Variants in TBX15 observed in about 807,000 individuals in gnomAD.
The protein encoded by TBX15 is T-box transcription factor TBX15.
A neutral mutation model predicts 53.9 loss-of-function variants in TBX15; 18 were observed. That is an observed-to-expected ratio of 0.33 (90% CI 0.23 to 0.49). TBX15 has a LOEUF of 0.49. Among genes scored for constraint, TBX15 ranks in the 20% least tolerant of loss-of-function variants. TBX15 has a pLI of 0.98. For synonymous variants in TBX15, 295 were observed against 278.0 expected (o/e 1.06, Z -0.61); for missense variants, 692 against 749.5 (o/e 0.92, Z 0.90).
At chr1:118,941,861 C>T (rs1367770594) in intron 1 of TBX15, among the ~76,000 whole-genome samples, 2 of 152,118 alleles carry the variant, frequency 1.3e-5, no homozygotes, top group African/African-American at 2.4e-5. Flanking sequence ...CTCCTCTTTC[C>T]AACCATCTAA....
intron 5 of TBX15, among the ~76,000 whole-genome samples, chr1:118,916,678 A>ACATGATGAAACAC (rs1246840602): frequency 3.3e-5 from 5 of 152,132 alleles, no homozygotes; most frequent in Non-Finnish European, 7.3e-5. Flanking sequence ...AGCCTGGGAA[A>ACATGATGAAACAC]CATGATGAAA....
In TBX15 at chr1:118,924,670, G is replaced by A; in HGVS notation, c.669C>T (p.Asn223=). 6.2e-7 allele frequency: 1 copy of A among 1,614,040 alleles called. No homozygotes were observed. The highest frequency in any genetic ancestry group is 8.5e-7 in the Non-Finnish European group (1 of 1,179,944). The change falls in exon 4 of 8, where the codon AAC becomes AAT. Residue 223 remains asparagine, a synonymous_variant. Transcript: ENST00000369429. The part of the protein sequence containing the change: ...VVSFDKLKLT[N]NELDDQGHII... Reference sequence around the variant, plus strand: ...CATGTCCTTGATCATCCAACTCATTGTTGGTAAGCTTGAGTTTGTCAAAAC... The same window carrying A: ...CATGTCCTTGATCATCCAACTCATTATTGGTAAGCTTGAGTTTGTCAAAAC...
chr1:118,966,573 T>C (rs1318014076), intron 1 of TBX15, among the ~76,000 whole-genome samples: 1 of 152,196 alleles, frequency 6.6e-6, no homozygotes, highest in Non-Finnish European at 1.5e-5. Context: ...CCATCCACAC[T>C]GCCCAGGGTA....
intron 1 of TBX15, among the ~76,000 whole-genome samples, chr1:118,972,689 C>T (rs1452611136): frequency 6.6e-6 from 1 of 152,126 alleles, no homozygotes; most frequent in Non-Finnish European, 1.5e-5. Context: ...ACCTCTGCCT[C>T]CCGGGTTCAA....
chr1:118,902,313 G>T (rs1654658367), intron 6 of TBX15, among the ~76,000 whole-genome samples: 1 of 152,046 alleles, frequency 6.6e-6, no homozygotes, highest in East Asian at 1.9e-4. Context: ...ATCAATATTT[G>T]GTGTAGTGCC....
chr1:118,931,676 T>C lies in TBX15; in HGVS notation c.362A>G (p.Asp121Gly). ...AATATCATGGAACCGCTTCCAGAGG[T>C]CAGCACATTGCAGCTCCACCTGAAT... ...EEIQVELQCA[D>G]LWKRFHDIGT... The change falls in exon 2 of 8, where the codon GAC becomes GGC. Residue 121 changes from aspartate to glycine, a missense_variant. Asp to Gly is a moderately conservative substitution (Grantham distance 94). Around this residue, in one of 3 missense-constraint regions of TBX15, gnomAD observed 307 missense variants for 347.5 expected, o/e 0.88. Transcript: ENST00000369429. 6.2e-7 allele frequency: 1 copy of C among 1,614,022 alleles called. No homozygotes were observed. Among genetic ancestry groups the C allele is most frequent in the Non-Finnish European group, 8.5e-7 (1 of 1,179,960 alleles).
intron 7 of TBX15, among the ~76,000 whole-genome samples, chr1:118,891,805 T>A (rs188152299): frequency 2.0e-5 from 3 of 152,300 alleles, no homozygotes; most frequent in African/African-American, 7.2e-5. Flanking sequence ...TGATCTTTTA[T>A]GGGTGCCTAC....
chr1:118,891,039 A>G, intron 7 of TBX15: 1 of 808,254 alleles, frequency 1.2e-6, no homozygotes, highest in Non-Finnish European at 1.8e-6. Flanking sequence ...GAGATCGTAA[A>G]GTTTAATGAG....
chr1:118,965,608 A>G (rs1205148023), intron 1 of TBX15, among the ~76,000 whole-genome samples: 1 of 152,154 alleles, frequency 6.6e-6, no homozygotes, highest in Admixed American at 6.6e-5. Context: ...CTATCACAAG[A>G]ATGCCCAAAA....
chr1:118,962,362 G>A lies in TBX15; in HGVS notation c.205+25229C>T, dbSNP rs569424972. Among the ~76,000 whole-genome samples the A allele has an allele frequency of 1.3e-4, 20 of 152,038 alleles. No homozygotes were observed. In the South Asian group the frequency reaches 1.5e-3, roughly 11 times the overall value. On this transcript the variant is annotated intron_variant, in intron 1 of 7. Transcript: ENST00000369429. ...AATCGTGCCTACATTTCCTCAATGCGTAATGACAATTCAGCTGATGATAAG... is the reference window on the plus strand; with the variant it reads ...AATCGTGCCTACATTTCCTCAATGCATAATGACAATTCAGCTGATGATAAG...
chr1:118,961,579 C>T (rs529043688), intron 1 of TBX15, among the ~76,000 whole-genome samples: 2 of 151,978 alleles, frequency 1.3e-5, no homozygotes, highest in African/African-American at 2.4e-5. Context: ...ATGATGGAGG[C>T]CAAAAAAGGA....
Position 118,972,136 on chromosome 1 carries a change from A to G in TBX15, c.205+15455T>C, listed in dbSNP as rs373853948. On this transcript the variant is annotated intron_variant, in intron 1 of 7. Coordinates refer to ENST00000369429, the MANE Select transcript of TBX15 (RefSeq NM_001330677.2). The stretch of plus-strand genomic sequence containing the variant: ...ACAGAAACACCCTGGTGCCATTTTG[A>G]GAGGAAACCAAAAAGACATCCCTAA... Among the ~76,000 whole-genome samples, 11 of 152,304 alleles carry G rather than the reference A, an allele frequency of 7.2e-5. No individual in the cohort carries two copies. In the South Asian group the frequency reaches 2.3e-3, roughly 32 times the overall value.
chr1:118,918,256 TC>T (rs913908016), intron 5 of TBX15, among the ~76,000 whole-genome samples: 1 of 152,046 alleles, frequency 6.6e-6, no homozygotes, highest in Admixed American at 6.6e-5. Flanking sequence ...TAAATGTAAC[TC>T]CCCCCGGACC....
At chr1:118,919,317 G>A (rs1314809212) in intron 5 of TBX15, among the ~76,000 whole-genome samples, 1 of 152,206 alleles carries the variant, frequency 6.6e-6, no homozygotes, top group Admixed American at 6.5e-5. Context: ...GAAAAAGCAT[G>A]AAGTGTTGAG....
intron 1 of TBX15, among the ~76,000 whole-genome samples, chr1:118,969,585 T>C (rs1272688912): frequency 6.6e-6 from 1 of 152,190 alleles, no homozygotes; most frequent in Non-Finnish European, 1.5e-5. Flanking sequence ...GAGTCCTGGG[T>C]CAGACTCCCT....
At chr1:118,985,899 T>G (rs1657814781) in intron 1 of TBX15, among the ~76,000 whole-genome samples, 3 of 152,188 alleles carry the variant, frequency 2.0e-5, no homozygotes, top group African/African-American at 4.8e-5. Context: ...CTCTTCTGCC[T>G]CCTGAATGGA....
Position 118,988,245 on chromosome 1 carries a change from A to C in TBX15, c.-450T>G. 1 of 157,002 alleles carries C rather than the reference A, an allele frequency of 6.4e-6. No homozygotes were observed. Among genetic ancestry groups the C allele is most frequent in the African/African-American group, 2.4e-5 (1 of 41,130 alleles). 9.7% of individuals were successfully genotyped at this position (157,002 alleles called of 1,614,324 possible). A position where few individuals can be genotyped will look rare whatever the true frequency, so the allele number is the denominator to read the frequency against. ...CCTTCCCGTCCTCCCTGTGATCCAAACTTCTGGGAAACTTTTTTTTCCGCT... is the reference window on the plus strand; with the variant it reads ...CCTTCCCGTCCTCCCTGTGATCCAACCTTCTGGGAAACTTTTTTTTCCGCT... On this transcript the variant is annotated 5_prime_UTR_variant, in exon 1 of 8. Coordinates refer to ENST00000369429, the MANE Select transcript of TBX15 (RefSeq NM_001330677.2).
intron 2 of TBX15, 83 bp from the exon 3 acceptor site, chr1:118,926,694 T>A (rs997758929): frequency 1.7e-6 from 2 of 1,161,412 alleles, no homozygotes; most frequent in African/African-American, 3.0e-5. Flanking sequence ...TGTGGGTTTT[T>A]TTGTTTGTTT....
At chr1:118,905,699 G>C (rs1206082515) in intron 6 of TBX15, among the ~76,000 whole-genome samples, 1 of 152,206 alleles carries the variant, frequency 6.6e-6, no homozygotes, top group Non-Finnish European at 1.5e-5. Context: ...ATTTTGGGGG[G>C]CTGGTAAGAG....
Sources: gnomAD v4.1 joint callset for allele counts (sites outside exome capture counted in the v4.1 genomes callset) on GRCh38, gnomAD v4.1.1 for gene constraint, gnomAD v4.1.1 regional missense constraint, MANE v1.5 for transcripts, NCBI Gene and HGNC (gene_info 2026-07-23, HGNC 2026-07-21) for gene names.